ABHD6: variants seen among roughly 807,000 people sequenced by gnomAD.
ABHD6 encodes abhydrolase domain containing 6, acylglycerol lipase.
In ABHD6, 33 loss-of-function variants were observed where a neutral mutation model predicts 38.8. That is an observed-to-expected ratio of 0.85 (90% CI 0.64 to 1.14). The LOEUF (loss-of-function observed/expected upper bound fraction) is 1.14, where lower values mean the gene tolerates loss of function less well. ABHD6 is among the 50% of genes most tolerant of loss of function. ABHD6 has a pLI of 0.00. For missense variants in ABHD6, 380 were observed against 422.6 expected (o/e 0.90, Z 0.88); for synonymous variants, 147 against 161.6 (o/e 0.91, Z 0.69).
At chr3:58,254,711 G>A (rs2097432049) in intron 2 of ABHD6, among the ~76,000 whole-genome samples, 1 of 152,100 alleles carries the variant, frequency 6.6e-6, no homozygotes, top group East Asian at 1.9e-4. Flanking sequence ...AATCAAGGCA[G>A]AGGGCCACGC....
At position 58,269,864 on chromosome 3, in the gene ABHD6, C is replaced by T. The variant is rs925375251; in HGVS notation, c.390+430C>T. On this transcript the variant is annotated intron_variant, in intron 5 of 9. Coordinates refer to ENST00000478253, the MANE Select transcript of ABHD6 (RefSeq NM_001320126.2). This position sits in a 1 kb window ranked among gnomAD's most constrained non-coding sequence, Gnocchi z 4.4. ...CACCTATTTTAGAATCTATCTCTAG[C>T]CTTCTCTGGCTAAGCTTTCAAGATC... is the stretch of plus-strand genomic sequence containing the variant. Among the ~76,000 whole-genome samples the T allele has an allele frequency of 6.6e-6, 1 of 152,148 alleles. No individual in the cohort carries two copies. The highest frequency in any genetic ancestry group is 1.5e-5 in the Non-Finnish European group (1 of 68,034).
At chr3:58,261,747 C>G (rs1455083414) in intron 3 of ABHD6, among the ~76,000 whole-genome samples, 1 of 152,072 alleles carries the variant, frequency 6.6e-6, no homozygotes, top group Non-Finnish European at 1.5e-5. Flanking sequence ...CTATGCACTG[C>G]TGTTGGGAAT....
At chr3:58,245,292 G>A (rs1381200011) in intron 1 of ABHD6, among the ~76,000 whole-genome samples, 1 of 152,150 alleles carries the variant, frequency 6.6e-6, no homozygotes, top group Non-Finnish European at 1.5e-5. Flanking sequence ...AGCCTCCTGA[G>A]TAGCTGAGAT....
chr3:58,290,515 G>A (rs1253845391), intron 9 of ABHD6, among the ~76,000 whole-genome samples: 4 of 137,560 alleles, frequency 2.9e-5, no homozygotes, highest in Admixed American at 7.0e-5. Flanking sequence ...GGCCTGGCAG[G>A]GGCTGACCCC....
chr3:58,257,669 A>T lies in ABHD6; in HGVS notation c.119+964A>T, dbSNP rs116031097. The stretch of plus-strand genomic sequence containing the variant: ...TGAGCCACTGCGCCTGGCCTTCATC[A>T]TTGGATTCTGACCCTGTGATGTCCT... On this transcript the variant is annotated intron_variant, in intron 3 of 9. Transcript: ENST00000478253. The surrounding 1 kb of genome is among the most constrained non-coding windows in gnomAD (Gnocchi z 4.8). 1.3e-3 allele frequency among the ~76,000 whole-genome samples: 194 copies of T among 152,072 alleles called. 2 individuals are homozygous for T. Among genetic ancestry groups the T allele is most frequent in the Non-Finnish European group, 2.3e-3 (158 of 67,956 alleles).
intron 1 of ABHD6, among the ~76,000 whole-genome samples, chr3:58,245,732 A>G (rs1173562994): frequency 6.6e-6 from 1 of 152,118 alleles, no homozygotes; most frequent in Admixed American, 6.5e-5. Context: ...GTGAACTGAG[A>G]TCGTGCCACT....
chr3:58,243,063 A>G (rs2097423941), intron 1 of ABHD6, among the ~76,000 whole-genome samples: 1 of 152,018 alleles, frequency 6.6e-6, no homozygotes, highest in Non-Finnish European at 1.5e-5. Flanking sequence ...ATCCTTTTTT[A>G]TGGCTGCATA....
Position 58,256,345 on chromosome 3 carries a change from GTTT to G in ABHD6, c.-25-207_-25-205del, listed in dbSNP as rs10574237. Among the ~76,000 whole-genome samples, 6 of 150,728 alleles carry G rather than the reference GTTT, an allele frequency of 4.0e-5. No individual in the cohort carries two copies. In the South Asian group the frequency reaches 6.3e-4, roughly 16 times the overall value. On this transcript the variant is annotated intron_variant, in intron 2 of 9. Coordinates refer to ENST00000478253, the MANE Select transcript of ABHD6 (RefSeq NM_001320126.2). This position sits in a 1 kb window ranked among gnomAD's most constrained non-coding sequence, Gnocchi z 4.3. Reference sequence around the variant, plus strand: ...TTGTCCCAACTATGTCCTTTATAATGTTTTTTTTTTTTACAAATCCAGGCTCCT... The same window carrying G: ...TTGTCCCAACTATGTCCTTTATAATGTTTTTTTTTACAAATCCAGGCTCCT...
intron 1 of ABHD6, among the ~76,000 whole-genome samples, chr3:58,244,890 T>G (rs1009248934): frequency 7.9e-5 from 12 of 152,242 alleles, no homozygotes; most frequent in Non-Finnish European, 2.9e-5. Flanking sequence ...AACTGTATTT[T>G]ACTTTTAACT....
intron 9 of ABHD6, among the ~76,000 whole-genome samples, chr3:58,286,848 G>GTCTATATATATATATATATA (rs60071781): frequency 1.4e-5 from 1 of 70,060 alleles, no homozygotes; most frequent in African/African-American, 5.6e-5. Context: ...GTGTGTGTGT[G>GTCTATATATATATATATATA]TGTGTATATA....
At position 58,267,224 on chromosome 3, in the gene ABHD6, A is replaced by T; in HGVS notation, c.155A>T (p.Tyr52Phe). 1 of 1,614,154 alleles carries T rather than the reference A, an allele frequency of 6.2e-7. No homozygotes were observed. Among genetic ancestry groups the T allele is most frequent in the Non-Finnish European group, 8.5e-7 (1 of 1,180,006 alleles). ...WRRTLGMQVRYVHHEDYQFCY... is the reference protein window; with the variant it reads ...WRRTLGMQVRFVHHEDYQFCY... ...AGGACATTGGGCATGCAAGTCCGCTATGTTCACCATGAAGACTATCAGTTC... is the reference window on the plus strand; with the variant it reads ...AGGACATTGGGCATGCAAGTCCGCTTTGTTCACCATGAAGACTATCAGTTC... The change falls in exon 4 of 10, where the codon TAT (tyrosine) becomes TTT (phenylalanine). Residue 52 changes from tyrosine (Y) to phenylalanine (F), a missense_variant. Physicochemically the swap from Tyr to Phe is conservative, Grantham distance 22. Coordinates refer to ENST00000478253, the MANE Select transcript of ABHD6 (RefSeq NM_001320126.2). This position sits in a 1 kb window ranked among gnomAD's most constrained non-coding sequence, Gnocchi z 4.3.
chr3:58,239,802 G>A (rs961418054), intron 1 of ABHD6, among the ~76,000 whole-genome samples: 9 of 151,812 alleles, frequency 5.9e-5, no homozygotes, highest in Non-Finnish European at 1.2e-4. Context: ...TCCTGGGGGC[G>A]AGAAGTTAGA....
At position 58,287,446 on chromosome 3, in the gene ABHD6, A is replaced by G. The variant is rs1043963540; in HGVS notation, c.837+1993A>G. On this transcript the variant is annotated intron_variant, in intron 9 of 9. Coordinates refer to ENST00000478253, the MANE Select transcript of ABHD6 (RefSeq NM_001320126.2). This position sits in a 1 kb window ranked among gnomAD's most constrained non-coding sequence, Gnocchi z 4.7. ...GGGGAGGAGCAGCCAGGCTGTGCCC[A>G]TGGCGTGTACGCAGAATAAGAGGCA... Among the ~76,000 whole-genome samples the G allele has an allele frequency of 2.6e-5, 4 of 152,066 alleles. No homozygotes were observed. Among genetic ancestry groups the G allele is most frequent in the South Asian group, 4.2e-4 (2 of 4,816 alleles).
In ABHD6 at chr3:58,285,134, G is replaced by C. The variant is rs754217725; in HGVS notation, c.731G>C (p.Arg244Pro). 31 of 1,613,958 alleles carry C rather than the reference G, an allele frequency of 1.9e-5. No individual in the cohort carries two copies. In the South Asian group the frequency reaches 2.7e-4, roughly 14 times the overall value. ...DVRIPHNNFY[R>P]KLFLEIVSEK... ...CGCATCCCTCATAACAACTTCTACC[G>C]AAAGTGTAAGTAGCCCTACTTTCAG... Residue 244 changes from arginine (R) to proline (P), a missense_variant, in exon 8 of 10, where the codon CGA (arginine) becomes CCA (proline). By Grantham distance (103) the Arg-to-Pro change is moderately radical (BLOSUM62 -2). Transcript: ENST00000478253. The surrounding 1 kb of genome is among the most constrained non-coding windows in gnomAD (Gnocchi z 4.9).
intron 1 of ABHD6, among the ~76,000 whole-genome samples, chr3:58,242,934 A>G (rs2097423828): frequency 1.3e-5 from 2 of 151,382 alleles, no homozygotes; most frequent in South Asian, 2.1e-4. Context: ...AAGTGTTTTC[A>G]TTGTTCAATT....
intron 1 of ABHD6, among the ~76,000 whole-genome samples, chr3:58,240,105 T>C (rs2097421742): frequency 6.6e-6 from 1 of 151,674 alleles, no homozygotes; most frequent in African/African-American, 2.4e-5. Flanking sequence ...TGAGCTGAGA[T>C]TGCTCCACTG....
Position 58,256,077 on chromosome 3 carries a change from A to G in ABHD6, c.-25-485A>G, listed in dbSNP as rs1484141579. On this transcript the variant is annotated intron_variant, in intron 2 of 9. Coordinates refer to ENST00000478253, the MANE Select transcript of ABHD6 (RefSeq NM_001320126.2). This position sits in a 1 kb window ranked among gnomAD's most constrained non-coding sequence, Gnocchi z 4.3. The stretch of plus-strand genomic sequence containing the variant: ...ATTTCTCTCTCTTTTCCTCCCACCA[A>G]CACACACACACACACACACACACAC... 1.8e-5 allele frequency among the ~76,000 whole-genome samples: 1 copy of G among 55,024 alleles called. No individual in the cohort carries two copies. The highest frequency in any genetic ancestry group is 3.0e-5 in the Non-Finnish European group (1 of 33,272). The allele number at this position is 55,024 out of a possible 152,430, so 36.1% of individuals were successfully genotyped here.
At chr3:58,261,001 T>A (rs1251646930) in intron 3 of ABHD6, among the ~76,000 whole-genome samples, 1 of 152,136 alleles carries the variant, frequency 6.6e-6, no homozygotes, top group Non-Finnish European at 1.5e-5. Context: ...AGGTACCAAA[T>A]GCTTCAACAT....
chr3:58,252,240 T>TG (rs1277597424), intron 2 of ABHD6, among the ~76,000 whole-genome samples: 10 of 144,544 alleles, frequency 6.9e-5, no homozygotes, highest in African/African-American at 2.1e-4. Context: ...TTTTTTTTTT[T>TG]TTTTTTTTTT....
Sources: gnomAD v4.1 joint callset for allele counts (sites outside exome capture counted in the v4.1 genomes callset) on GRCh38, gnomAD v4.1.1 for gene constraint, Gnocchi (gnomAD v3.1) non-coding constraint, MANE v1.5 for transcripts, NCBI Gene and HGNC (gene_info 2026-07-23, HGNC 2026-07-21) for gene names.